The following CPEB3 variants were observed in gnomAD, a reference collection of about 807,000 sequenced individuals.
CPEB3 encodes cytoplasmic polyadenylation element-binding protein 3.
CPEB3 carries 20 observed loss-of-function variants against 67.2 expected under a neutral mutation model. That is an observed-to-expected ratio of 0.30 (90% CI 0.21 to 0.43). The LOEUF (loss-of-function observed/expected upper bound fraction) is 0.43, where lower values mean the gene tolerates loss of function less well. CPEB3 is among the 20% of genes least tolerant of loss of function. The pLI, the probability that CPEB3 is intolerant of heterozygous loss-of-function variation, is 1.00. For synonymous variants in CPEB3, 376 were observed against 393.1 expected, an observed-to-expected ratio of 0.96 and a Z score of 0.51; for missense variants, 746 against 968.6, an observed-to-expected ratio of 0.77 and a Z score of 3.05.
chr10:92,183,527 GATTC>G (rs988733390), intron 3 of CPEB3, among the ~76,000 whole-genome samples: 2 of 152,000 alleles, frequency 1.3e-5, no homozygotes, highest in African/African-American at 2.4e-5. Flanking sequence ...ACCTTATTTG[GATTC>G]ATTATCAAAA....
intron 7 of CPEB3, among the ~76,000 whole-genome samples, chr10:92,107,499 A>G (rs543095229): frequency 3.3e-4 from 51 of 152,260 alleles, no homozygotes; most frequent in African/African-American, 1.1e-3. Flanking sequence ...TTCAGCCCCT[A>G]TCTCTGCTAG....
At position 92,273,462 on chromosome 10, in the gene CPEB3, T is replaced by C. The variant is rs1242605794; in HGVS notation, c.-12+17464A>G. ...ATTTTAGCTATCATAAGGTCCAAAATTAGATATAATACCCTCACAAAGGCC... is the reference window on the plus strand; with the variant it reads ...ATTTTAGCTATCATAAGGTCCAAAACTAGATATAATACCCTCACAAAGGCC... On this transcript the variant is annotated intron_variant, in intron 1 of 9. Coordinates refer to ENST00000265997, the MANE Select transcript of CPEB3 (RefSeq NM_014912.5). 2.0e-5 allele frequency among the ~76,000 whole-genome samples: 3 copies of C among 152,088 alleles called. No homozygotes were observed. The East Asian group carries it at 5.8e-4, about 29-fold the overall frequency.
At chr10:92,119,844 T>C (rs1374097428) in intron 6 of CPEB3, among the ~76,000 whole-genome samples, 1 of 152,138 alleles carries the variant, frequency 6.6e-6, no homozygotes, top group Non-Finnish European at 1.5e-5. Context: ...CTTAATTTTA[T>C]GCTTTCTCAT....
intron 3 of CPEB3, among the ~76,000 whole-genome samples, chr10:92,187,551 TTCTC>T (rs1157912927): frequency 1.1e-4 from 16 of 152,354 alleles, no homozygotes; most frequent in African/African-American, 3.8e-4. Context: ...ACGATCTTAC[TTCTC>T]TGCTCAATGT....
chr10:92,266,624 G>C (rs1436092670), intron 1 of CPEB3, among the ~76,000 whole-genome samples: 1 of 152,002 alleles, frequency 6.6e-6, no homozygotes. Flanking sequence ...GAAGCGGGAG[G>C]GGGAAGGAAA....
chr10:92,231,183 G>A (rs900645593), intron 2 of CPEB3, among the ~76,000 whole-genome samples: 1 of 151,668 alleles, frequency 6.6e-6, no homozygotes, highest in Non-Finnish European at 1.5e-5. Flanking sequence ...CCTAGTCTTC[G>A]GACCACCATG....
chr10:92,138,339 G>T, intron 6 of CPEB3: 1 of 212,040 alleles, frequency 4.7e-6, no homozygotes, highest in Non-Finnish European at 1.0e-5. Context: ...CCTCCATTGA[G>T]GTGATGGCCC....
intron 2 of CPEB3, among the ~76,000 whole-genome samples, chr10:92,219,103 A>G (rs529733331): frequency 6.1e-4 from 93 of 152,326 alleles, no homozygotes; most frequent in African/African-American, 2.1e-3. Context: ...TCATGCCCCA[A>G]GAGATTAAAA....
At chr10:92,177,045 G>C (rs1224567272) in intron 4 of CPEB3, among the ~76,000 whole-genome samples, 1 of 152,188 alleles carries the variant, frequency 6.6e-6, no homozygotes, top group Non-Finnish European at 1.5e-5. Context: ...AAGCCACAAG[G>C]TTGGACATCC....
chr10:92,181,097 C>G, intron 3 of CPEB3, 78 bp from the exon 4 acceptor site: 1 of 780,572 alleles, frequency 1.3e-6, no homozygotes, highest in Non-Finnish European at 2.1e-6. Context: ...ATAAACATTA[C>G]AAAAATCTAA....
intron 9 of CPEB3, among the ~76,000 whole-genome samples, chr10:92,066,188 C>T (rs573163664): frequency 1.3e-5 from 2 of 152,228 alleles, no homozygotes; most frequent in Admixed American, 1.3e-4. Context: ...CAAAGTTCTC[C>T]TTTTTAAAAA....
At chr10:92,137,213 T>A (rs1479039870) in intron 6 of CPEB3, 4 of 462,536 alleles carry the variant, frequency 8.6e-6, no homozygotes, top group Non-Finnish European at 1.6e-5. Context: ...AAGGTGGTCA[T>A]GACACTAGGA....
chr10:92,111,109 C>A lies in CPEB3; in HGVS notation c.1539G>T (p.Leu513=). 6.2e-7 allele frequency: 1 copy of A among 1,614,016 alleles called. No individual in the cohort carries two copies. The highest frequency in any genetic ancestry group is 8.5e-7 in the Non-Finnish European group (1 of 1,179,880). ...ACLEEDGKLY[L]CVSSPTIKDK... ...CCTTGATGGTGGGGCTTGACACACA[C>A]AGGTAGAGTTTCCCATCTTCTTCTA... Residue 513 remains leucine, a synonymous_variant, in exon 7 of 10, where the codon CTG becomes CTT. Transcript: ENST00000265997.
intron 1 of CPEB3, among the ~76,000 whole-genome samples, chr10:92,258,397 G>A (rs1852618195): frequency 6.6e-6 from 1 of 151,600 alleles, no homozygotes; most frequent in Non-Finnish European, 1.5e-5. Context: ...ACCGTGCCTG[G>A]CCAACATCCT....
At chr10:92,066,039 G>C (rs1003217492) in intron 9 of CPEB3, among the ~76,000 whole-genome samples, 1 of 152,012 alleles carries the variant, frequency 6.6e-6, no homozygotes, top group Non-Finnish European at 1.5e-5. Context: ...AGGAGTTGCT[G>C]TGAGCTAAGA....
intron 1 of CPEB3, among the ~76,000 whole-genome samples, chr10:92,255,990 C>T (rs1852497247): frequency 6.6e-6 from 1 of 152,152 alleles, no homozygotes; most frequent in East Asian, 1.9e-4. Flanking sequence ...ATCAGAAGAT[C>T]CTATTAGCAC....
At chr10:92,267,027 T>G (rs1368992570) in intron 1 of CPEB3, among the ~76,000 whole-genome samples, 1 of 151,708 alleles carries the variant, frequency 6.6e-6, no homozygotes, top group Non-Finnish European at 1.5e-5. Flanking sequence ...AGAGCAAGAC[T>G]TCATCTCCAA....
At chr10:92,238,475 C>G (rs913659752) in intron 2 of CPEB3, among the ~76,000 whole-genome samples, 1 of 152,176 alleles carries the variant, frequency 6.6e-6, no homozygotes, top group East Asian at 1.9e-4. Context: ...AAGACTTTCA[C>G]TTTGCCCAGT....
At chr10:92,280,124 C>A (rs576228925) in intron 1 of CPEB3, among the ~76,000 whole-genome samples, 14 of 151,888 alleles carry the variant, frequency 9.2e-5, no homozygotes, top group Non-Finnish European at 2.1e-4. Context: ...AGGTGGATCA[C>A]CTGTTGTCAA....
Sources: allele counts gnomAD v4.1 joint callset (sites outside exome capture counted in the v4.1 genomes callset), GRCh38; gene constraint gnomAD v4.1.1; transcripts MANE v1.5; gene names NCBI Gene and HGNC (gene_info 2026-07-23, HGNC 2026-07-21).